NFILZ: variants seen among roughly 807,000 people sequenced by gnomAD.
The protein encoded by NFILZ is NFIL3 like protein.
rs1403759520 is a variant in NFILZ, at chr19:8,663,750, G to GTATGTGTGTGTGTATGTGTGTA, written c.-163-10800_-163-10799insATGTGTGTGTGTATGTGTGTAT. 1.1e-4 allele frequency among the ~76,000 whole-genome samples: 15 copies of GTATGTGTGTGTGTATGTGTGTA among 137,064 alleles called. 1 individual carries two copies. Among genetic ancestry groups the GTATGTGTGTGTGTATGTGTGTA allele is most frequent in the African/African-American group, 2.7e-4 (10 of 36,526 alleles). 89.9% of individuals were successfully genotyped at this position (137,064 alleles called of 152,430 possible). On this transcript the variant is annotated intron_variant, in intron 3 of 5. Coordinates refer to ENST00000691075, the MANE Select transcript of NFILZ (RefSeq NM_001378600.1). The stretch of plus-strand genomic sequence containing the variant: ...TGTGTGTGTGTGTGTGTGTGTGTGT[G>GTATGTGTGTGTGTATGTGTGTA]TGTGTGTGTGTGTGTGTGTGTATGT...
rs2043028170 is a variant in NFILZ, at chr19:8,661,030, T to TCTCCCTCCCTTCCTTCCCC, written c.-163-13508_-163-13507insTTCCCCCTCCCTCCCTTCC. Among the ~76,000 whole-genome samples, 198 of 26,210 alleles carry TCTCCCTCCCTTCCTTCCCC rather than the reference T, an allele frequency of 7.6e-3. 17 individuals carry two copies. Among genetic ancestry groups the TCTCCCTCCCTTCCTTCCCC allele is most frequent in the African/African-American group, 9.3e-3 (57 of 6,144 alleles). 17.2% of individuals were successfully genotyped at this position (26,210 alleles called of 152,430 possible). ...CCCTTCCCTTTCTTTCCTCCCTCCC[T>TCTCCCTCCCTTCCTTCCCC]CTCCCTCCCTTCCGTCCCCCTCCCT... is the stretch of plus-strand genomic sequence containing the variant. On this transcript the variant is annotated intron_variant, in intron 3 of 5. Transcript: ENST00000691075.
intron 3 of NFILZ, among the ~76,000 whole-genome samples, chr19:8,668,123 G>T (rs1361319258): frequency 6.6e-6 from 1 of 151,832 alleles, no homozygotes; most frequent in South Asian, 2.1e-4. Flanking sequence ...GCTAATTTTT[G>T]TATTTTTAGT....
At chr19:8,641,927 C>T (rs2042921016) in intron 3 of NFILZ, among the ~76,000 whole-genome samples, 1 of 152,052 alleles carries the variant, frequency 6.6e-6, no homozygotes, top group Non-Finnish European at 1.5e-5. Flanking sequence ...CTCCCAGGCT[C>T]AAGGGATCCT....
chr19:8,648,016 C>CA (rs1318194204), intron 3 of NFILZ, among the ~76,000 whole-genome samples: 17 of 150,302 alleles, frequency 1.1e-4, no homozygotes, highest in South Asian at 1.1e-3. Context: ...ACTAAAAATA[C>CA]AAAAAAAATT....
At chr19:8,641,222 GT>G (rs1222281882) in intron 3 of NFILZ, among the ~76,000 whole-genome samples, 10 of 147,366 alleles carry the variant, frequency 6.8e-5, no homozygotes, top group East Asian at 6.0e-4. Flanking sequence ...ACTAATGTTT[GT>G]TTTTTTTTTG....
At chr19:8,641,836 T>G (rs1298339681) in intron 3 of NFILZ, among the ~76,000 whole-genome samples, 1 of 152,086 alleles carries the variant, frequency 6.6e-6, no homozygotes, top group African/African-American at 2.4e-5. Context: ...TAGCTTTTTT[T>G]TTTTTTAGAG....
At position 8,642,905 on chromosome 19, in the gene NFILZ, G is replaced by A. The variant is rs565294706; in HGVS notation, c.-164+7159G>A. On this transcript the variant is annotated intron_variant, in intron 3 of 5. Coordinates refer to ENST00000691075, the MANE Select transcript of NFILZ (RefSeq NM_001378600.1). ...CAATCTGTCACACATGTTTGCTGGC[G>A]AGTGGTTGGGTGTTGAATCGTCAGT... 1.8e-4 allele frequency among the ~76,000 whole-genome samples: 27 copies of A among 151,350 alleles called. No homozygotes were observed. In the South Asian group the frequency reaches 2.7e-3, roughly 15 times the overall value.
At chr19:8,641,637 T>C (rs979262695) in intron 3 of NFILZ, among the ~76,000 whole-genome samples, 1 of 152,152 alleles carries the variant, frequency 6.6e-6, no homozygotes, top group Non-Finnish European at 1.5e-5. Context: ...TGAAGACACT[T>C]CATGACAGCC....
At chr19:8,662,416 A>C (rs535346943) in intron 3 of NFILZ, among the ~76,000 whole-genome samples, 1 of 151,980 alleles carries the variant, frequency 6.6e-6, no homozygotes, top group African/African-American at 2.4e-5. Flanking sequence ...GAGCGATGTG[A>C]GTGTCTGGGG....
chr19:8,661,151 C>T (rs568443249), intron 3 of NFILZ, among the ~76,000 whole-genome samples: 1 of 142,642 alleles, frequency 7.0e-6, no homozygotes, highest in Admixed American at 7.3e-5. Flanking sequence ...TTTTCCCTTC[C>T]CTTTTCTCTC....
In NFILZ at chr19:8,630,714, G is replaced by A. The variant is rs1057427637; in HGVS notation, c.-441G>A. On this transcript the variant is annotated 5_prime_UTR_variant, in exon 1 of 6. Coordinates refer to ENST00000691075, the MANE Select transcript of NFILZ (RefSeq NM_001378600.1). ...CTGAGGGCTTGGGTGGAAGACTGGAGAGCCAGGAGGAGCAAGGAGCAGGAA... is the reference window on the plus strand; with the variant it reads ...CTGAGGGCTTGGGTGGAAGACTGGAAAGCCAGGAGGAGCAAGGAGCAGGAA... 1.3e-5 allele frequency: 2 copies of A among 152,524 alleles called. No homozygotes were observed. The highest frequency in any genetic ancestry group is 2.9e-5 in the Non-Finnish European group (2 of 68,244). 9.4% of individuals were successfully genotyped at this position (152,524 alleles called of 1,614,324 possible).
chr19:8,642,922 ATCGTCAGTT>A (rs1343794417), intron 3 of NFILZ, among the ~76,000 whole-genome samples: 1 of 149,064 alleles, frequency 6.7e-6, no homozygotes, highest in Non-Finnish European at 1.5e-5. Context: ...TGGGTGTTGA[ATCGTCAGTT>A]TCAACTTAAA....
chr19:8,653,038 T>TTCTCTCTCCCTCTCCC (rs2042975354), intron 3 of NFILZ, among the ~76,000 whole-genome samples: 1 of 90,504 alleles, frequency 1.1e-5, no homozygotes, highest in African/African-American at 4.7e-5. Context: ...CTTTCTTTCT[T>TTCTCTCTCCCTCTCCC]TCTCTCTCTC....
chr19:8,633,313 C>T (rs566167224), intron 2 of NFILZ, among the ~76,000 whole-genome samples: 3 of 152,218 alleles, frequency 2.0e-5, no homozygotes, highest in African/African-American at 7.2e-5. Flanking sequence ...GAAGCCAACG[C>T]GCCCGGCCTC....
At chr19:8,636,824 A>G (rs562125325) in intron 3 of NFILZ, among the ~76,000 whole-genome samples, 1 of 151,918 alleles carries the variant, frequency 6.6e-6, no homozygotes, top group Admixed American at 6.6e-5. Flanking sequence ...ACTCCTGACC[A>G]CAAGTGATCC....
intron 3 of NFILZ, among the ~76,000 whole-genome samples, chr19:8,668,496 T>A (rs1018592117): frequency 6.6e-6 from 1 of 152,228 alleles, no homozygotes; most frequent in Non-Finnish European, 1.5e-5. Flanking sequence ...CTGAGTCACC[T>A]AACATATTCA....
Position 8,678,145 on chromosome 19 carries a change from T to C in NFILZ, c.*510T>C, listed in dbSNP as rs1214016285. ...TCCATCCCTCCATCCATTCATCCACTTGTCCGTCCATCCATCCATCCATCC... is the reference window on the plus strand; with the variant it reads ...TCCATCCCTCCATCCATTCATCCACCTGTCCGTCCATCCATCCATCCATCC... On this transcript the variant is annotated 3_prime_UTR_variant, in exon 6 of 6. Coordinates refer to ENST00000691075, the MANE Select transcript of NFILZ (RefSeq NM_001378600.1). Among the ~76,000 whole-genome samples, 24 of 1,226 alleles carry C rather than the reference T, an allele frequency of 0.02. 6 individuals carry two copies. The highest frequency in any genetic ancestry group is 0.032 in the African/African-American group (9 of 282). 0.8% of individuals were successfully genotyped at this position (1,226 alleles called of 152,430 possible). A position where few individuals can be genotyped will look rare whatever the true frequency, so the allele number is the denominator to read the frequency against.
In NFILZ at chr19:8,653,114, T is replaced by G. The variant is rs1410985102; in HGVS notation, c.-164+17368T>G. On this transcript the variant is annotated intron_variant, in intron 3 of 5. Coordinates refer to ENST00000691075, the MANE Select transcript of NFILZ (RefSeq NM_001378600.1). ...TCTTTTCTCTTTCTCAGAGTTTTGC[T>G]CTTGTTGCCCAGGCTGGAGCGCAAT... 2.0e-5 allele frequency among the ~76,000 whole-genome samples: 3 copies of G among 148,248 alleles called. No homozygotes were observed. The Admixed American group carries it at 2.0e-4, about 10-fold the overall frequency.
At chr19:8,640,685 A>C (rs1396337989) in intron 3 of NFILZ, among the ~76,000 whole-genome samples, 1 of 152,146 alleles carries the variant, frequency 6.6e-6, no homozygotes, top group Non-Finnish European at 1.5e-5. Context: ...ACTTCTGGAA[A>C]ATTAGGCAAG....
Sources: allele counts gnomAD v4.1 joint callset (sites outside exome capture counted in the v4.1 genomes callset), GRCh38; gene constraint gnomAD v4.1.1; transcripts MANE v1.5; gene names NCBI Gene and HGNC (gene_info 2026-07-23, HGNC 2026-07-21).